CCDC91: variants seen among roughly 807,000 people sequenced by gnomAD.
CCDC91 encodes the protein coiled-coil domain containing 91.
A neutral mutation model predicts 63.2 loss-of-function variants in CCDC91; 48 were observed. That is an observed-to-expected ratio of 0.76 (90% confidence interval 0.60 to 0.97). CCDC91 has a LOEUF of 0.97. Ranked by LOEUF, CCDC91 falls within the 50% of genes least tolerant of loss-of-function variation. CCDC91 has a pLI of 0.00. For synonymous variants in CCDC91, 167 were observed against 165.8 expected (o/e 1.01, Z -0.06); for missense variants, 500 against 494.6 (o/e 1.01, Z -0.10).
chr12:28,245,653 A>G (rs559479712), intron 1 of CCDC91, among the ~76,000 whole-genome samples: 1 of 152,318 alleles, frequency 6.6e-6, no homozygotes, highest in African/African-American at 2.4e-5. Context: ...ACACAGTCAA[A>G]AAATAAAGAT....
chr12:28,207,785 A>G (rs1246843699), intron 1 of CCDC91, among the ~76,000 whole-genome samples: 1 of 152,188 alleles, frequency 6.6e-6, no homozygotes, highest in Non-Finnish European at 1.5e-5. Context: ...TTTTAATAAT[A>G]AAAGGTTTAA....
intron 1 of CCDC91, among the ~76,000 whole-genome samples, chr12:28,252,516 G>A (rs575672485): frequency 4.0e-5 from 6 of 150,454 alleles, no homozygotes; most frequent in South Asian, 4.2e-4. Flanking sequence ...TTTTCTATCC[G>A]GCAGTTTTTC....
At chr12:28,335,152 A>T (rs1941836886) in intron 6 of CCDC91, among the ~76,000 whole-genome samples, 1 of 140,932 alleles carries the variant, frequency 7.1e-6, no homozygotes, top group Non-Finnish European at 1.5e-5. Flanking sequence ...ATATATTTAT[A>T]ACATATATTA....
At chr12:28,290,902 A>G (rs970163101) in intron 3 of CCDC91, among the ~76,000 whole-genome samples, 8 of 152,096 alleles carry the variant, frequency 5.3e-5, no homozygotes, top group East Asian at 1.9e-4. Context: ...TTAGTTTTTT[A>G]TGTTTATCAA....
At chr12:28,255,286 C>T (rs1259209999) in intron 1 of CCDC91, among the ~76,000 whole-genome samples, 1 of 152,136 alleles carries the variant, frequency 6.6e-6, no homozygotes, top group Admixed American at 6.5e-5. Flanking sequence ...CACACAGAAG[C>T]ATTACTCTAA....
At chr12:28,503,949 G>A (rs149677202) in intron 12 of CCDC91, among the ~76,000 whole-genome samples, 2,018 of 152,010 alleles carry the variant, frequency 0.013, 39 homozygotes, top group African/African-American at 0.046. Flanking sequence ...GTGGGGGAAG[G>A]GGGGAGGGAT....
At chr12:28,479,520 G>A (rs1429093654) in intron 11 of CCDC91, among the ~76,000 whole-genome samples, 6 of 152,068 alleles carry the variant, frequency 3.9e-5, no homozygotes, top group South Asian at 2.1e-4. Flanking sequence ...TGTAAATGAC[G>A]AGTTAATGGG....
rs1385601157 is a variant in CCDC91, at chr12:28,441,727, CATATATCTCAT to C, written c.763-8427_763-8417del. 1.3e-4 allele frequency among the ~76,000 whole-genome samples: 19 copies of C among 148,096 alleles called. 1 individual carries two copies. Among genetic ancestry groups the C allele is most frequent in the Middle Eastern group, 3.6e-3 (1 of 280 alleles). ...TCTCATATATATATCTCATATATAT[CATATATCTCAT>C]ATATATATCTCATATATATATGTAT... On this transcript the variant is annotated intron_variant, in intron 8 of 12. Coordinates refer to ENST00000536442, the MANE Select transcript of CCDC91 (RefSeq NM_018318.5).
chr12:28,310,351 CCAA>C (rs1939191862), intron 6 of CCDC91, among the ~76,000 whole-genome samples: 1 of 151,974 alleles, frequency 6.6e-6, no homozygotes, highest in Non-Finnish European at 1.5e-5. Flanking sequence ...ACATTAATGA[CCAA>C]TATAAATGCT....
At chr12:28,279,454 T>TA (rs1228647816) in intron 3 of CCDC91, among the ~76,000 whole-genome samples, 1 of 152,094 alleles carries the variant, frequency 6.6e-6, no homozygotes, top group African/African-American at 2.4e-5. Context: ...GGTGAAGACT[T>TA]ACTGGCCTAG....
At chr12:28,385,982 G>C (rs1208831744) in intron 7 of CCDC91, among the ~76,000 whole-genome samples, 1 of 152,140 alleles carries the variant, frequency 6.6e-6, no homozygotes, top group Non-Finnish European at 1.5e-5. Flanking sequence ...TTTTCTATGA[G>C]TTTATAATAT....
intron 8 of CCDC91, among the ~76,000 whole-genome samples, chr12:28,440,148 A>C (rs1417771227): frequency 6.6e-6 from 1 of 152,224 alleles, no homozygotes; most frequent in Non-Finnish European, 1.5e-5. Context: ...TAACCAGAGC[A>C]ATCAGGGTAA....
chr12:28,211,918 C>G (rs569220724), intron 1 of CCDC91, among the ~76,000 whole-genome samples: 1 of 152,254 alleles, frequency 6.6e-6, no homozygotes, highest in Admixed American at 6.5e-5. Flanking sequence ...TGTAAGAGGC[C>G]TCTAACTGGT....
At chr12:28,191,633 C>G (rs1180325764) in intron 1 of CCDC91, among the ~76,000 whole-genome samples, 1 of 152,128 alleles carries the variant, frequency 6.6e-6, no homozygotes, top group African/African-American at 2.4e-5. Context: ...CAACCCTTCC[C>G]CCCCCCACAA....
intron 6 of CCDC91, among the ~76,000 whole-genome samples, chr12:28,321,918 A>G (rs1202618722): frequency 1.1e-4 from 16 of 151,718 alleles, no homozygotes; most frequent in Non-Finnish European, 7.4e-5. Flanking sequence ...CATTATACGT[A>G]TAGTATATAT....
chr12:28,547,635 A>G (rs1319786302), intron 12 of CCDC91, among the ~76,000 whole-genome samples: 18 of 152,150 alleles, frequency 1.2e-4, no homozygotes, highest in Admixed American at 6.6e-5. Flanking sequence ...GAAGAAGGAA[A>G]AAAAACTGTG....
At chr12:28,507,036 A>G (rs1401992675) in intron 12 of CCDC91, among the ~76,000 whole-genome samples, 1 of 151,974 alleles carries the variant, frequency 6.6e-6, no homozygotes. Flanking sequence ...ATGCAAATTC[A>G]TGATTTAATT....
At chr12:28,304,755 C>A (rs996812645) in intron 3 of CCDC91, 2 of 656,276 alleles carry the variant, frequency 3.0e-6, no homozygotes, top group Non-Finnish European at 4.5e-6. Flanking sequence ...TGGGCTGCAC[C>A]AAAAAGTGAC....
intron 8 of CCDC91, among the ~76,000 whole-genome samples, chr12:28,403,465 C>T (rs772625820): frequency 1.3e-5 from 2 of 152,028 alleles, no homozygotes; most frequent in Non-Finnish European, 2.9e-5. Flanking sequence ...TCTTTTTACT[C>T]TAATTTCATG....
Sources: gnomAD v4.1 joint callset for allele counts (sites outside exome capture counted in the v4.1 genomes callset) on GRCh38, gnomAD v4.1.1 for gene constraint, MANE v1.5 for transcripts, NCBI Gene and HGNC (gene_info 2026-07-23, HGNC 2026-07-21) for gene names.